LY75: variants seen among roughly 807,000 people sequenced by gnomAD.
LY75 encodes C-type lectin domain family 13 member B.
In LY75, 185 loss-of-function variants were observed where a neutral mutation model predicts 231.7. The ratio of observed to expected loss-of-function variants is 0.80; its 90% CI spans 0.71 to 0.90. The LOEUF is 0.90. LY75 is among the 40% of genes least tolerant of loss of function. LY75 has a pLI of 0.00. For synonymous variants in LY75, 668 were observed against 689.0 expected (o/e 0.97, Z 0.48); for missense variants, 1,947 against 2,050.2 (o/e 0.95, Z 0.97).
chr2:159,882,717 A>G (rs1560099518), intron 6 of LY75, among the ~76,000 whole-genome samples: 1 of 152,206 alleles, frequency 6.6e-6, no homozygotes, highest in East Asian at 1.9e-4. Context: ...TGAGAAGATT[A>G]TAAGAGGGCA....
intron 1 of LY75, among the ~76,000 whole-genome samples, chr2:159,901,985 A>C (rs1032704316): frequency 6.6e-6 from 1 of 152,242 alleles, no homozygotes; most frequent in Non-Finnish European, 1.5e-5. Flanking sequence ...TTATTGGGAT[A>C]GTAGGTTGAA....
At chr2:159,838,171 G>T (rs1024341070) in intron 25 of LY75, among the ~76,000 whole-genome samples, 2 of 152,122 alleles carry the variant, frequency 1.3e-5, no homozygotes, top group African/African-American at 4.8e-5. Flanking sequence ...CTTAAGTAAA[G>T]TCTTATATTG....
intron 4 of LY75, among the ~76,000 whole-genome samples, chr2:159,886,993 G>A (rs1685605581): frequency 1.3e-5 from 2 of 151,826 alleles, no homozygotes; most frequent in Non-Finnish European, 2.9e-5. Flanking sequence ...CAAAGTCCTT[G>A]CCCTCATGAG....
intron 14 of LY75, among the ~76,000 whole-genome samples, chr2:159,863,887 A>G (rs1227275860): frequency 6.6e-6 from 1 of 152,160 alleles, no homozygotes; most frequent in Non-Finnish European, 1.5e-5. Context: ...TTATATCTTT[A>G]CTGTACCTTT....
At chr2:159,901,262 T>C (rs540517123) in intron 1 of LY75, among the ~76,000 whole-genome samples, 289 of 152,336 alleles carry the variant, frequency 1.9e-3, no homozygotes, top group Middle Eastern at 3.4e-3. Context: ...CTTTCTCTCA[T>C]GGCCTTCTCC....
At chr2:159,881,270 T>C in intron 7 of LY75, 30 bp from the exon 8 acceptor site, 2 of 1,598,750 alleles carry the variant, frequency 1.3e-6, no homozygotes, top group Non-Finnish European at 1.7e-6. Context: ...TTTGTTTGGT[T>C]TTGCTCAATT....
At chr2:159,811,707 G>T (rs1251737681) in intron 31 of LY75, among the ~76,000 whole-genome samples, 2 of 152,118 alleles carry the variant, frequency 1.3e-5, no homozygotes, top group African/African-American at 4.8e-5. Context: ...ACTCTTTAGT[G>T]GCCCTTAGTT....
intron 12 of LY75, among the ~76,000 whole-genome samples, chr2:159,874,151 A>G (rs1179066108): frequency 4.0e-5 from 5 of 124,656 alleles, no homozygotes; most frequent in African/African-American, 1.4e-4. Context: ...TATATTTTGT[A>G]AATATATATA....
intron 17 of LY75, among the ~76,000 whole-genome samples, 182 bp downstream of exon 17, chr2:159,854,722 C>T (rs1340478896): frequency 6.6e-6 from 1 of 152,184 alleles, no homozygotes; most frequent in Non-Finnish European, 1.5e-5. Context: ...CCTACACTCA[C>T]AGGGAAGGAA....
chr2:159,859,461 C>T (rs1246748389), intron 15 of LY75, among the ~76,000 whole-genome samples: 2 of 152,112 alleles, frequency 1.3e-5, no homozygotes, highest in Non-Finnish European at 2.9e-5. Context: ...GGCAGTTCCT[C>T]CAAATCCACT....
At chr2:159,884,512 T>C (rs1290288644) in intron 6 of LY75, among the ~76,000 whole-genome samples, 1 of 152,130 alleles carries the variant, frequency 6.6e-6, no homozygotes, top group Non-Finnish European at 1.5e-5. Flanking sequence ...ACACATTTTG[T>C]CCCTCTGCAC....
At chr2:159,891,603 T>C (rs1019675411) in intron 3 of LY75, among the ~76,000 whole-genome samples, 4 of 152,100 alleles carry the variant, frequency 2.6e-5, no homozygotes, top group South Asian at 4.1e-4. Flanking sequence ...AGGAAGCATA[T>C]GCATGCATTA....
chr2:159,881,286 C>T (rs1685428431), intron 7 of LY75, 46 bp from the exon 8 acceptor site: 1 of 1,577,696 alleles, frequency 6.3e-7, no homozygotes, highest in African/African-American at 1.4e-5. Context: ...CAATTAAATA[C>T]TGTAATATGT....
chr2:159,863,371 C>A (rs1036201942), intron 14 of LY75, among the ~76,000 whole-genome samples: 5 of 152,038 alleles, frequency 3.3e-5, no homozygotes, highest in Admixed American at 2.6e-4. Flanking sequence ...TTTTGAGGGA[C>A]CTTCATAGTG....
At chr2:159,850,781 T>TATAC (rs1684365897) in intron 21 of LY75, among the ~76,000 whole-genome samples, 1 of 102,512 alleles carries the variant, frequency 9.8e-6, no homozygotes, top group Non-Finnish European at 2.1e-5. Context: ...TTCATATATA[T>TATAC]ATATATATAT....
At chr2:159,810,900 T>G (rs1366062589) in intron 31 of LY75, among the ~76,000 whole-genome samples, 1 of 152,180 alleles carries the variant, frequency 6.6e-6, no homozygotes, top group African/African-American at 2.4e-5. Context: ...TGCCTTAGCT[T>G]TCTAAGACTG....
chr2:159,853,405 T>G, intron 19 of LY75, 53 bp from the exon 20 acceptor site: 1 of 1,586,884 alleles, frequency 6.3e-7, no homozygotes, highest in Non-Finnish European at 8.6e-7. Flanking sequence ...GTGTTCCATT[T>G]TTTTCTTTTT....
rs1683219008 is a variant in LY75 at position 159,819,411 on chromosome 2, T to C, written c.4153+315A>G. 2.0e-5 allele frequency among the ~76,000 whole-genome samples: 3 copies of C among 152,294 alleles called. 1 individual carries two copies. The South Asian group carries it at 6.2e-4, about 32-fold the overall frequency. ...CCTCTTCTTGAAGCCTTTCCTTTTT[T>C]TTTTGTTATTCCCCTTTCCAATGTA... On this transcript the variant is annotated intron_variant, in intron 29 of 34. Coordinates refer to ENST00000263636, the MANE Select transcript of LY75 (RefSeq NM_002349.4).
rs150442433 is a variant in LY75, at chr2:159,815,645, C to G, written c.4381-72G>C. 1.9e-4 allele frequency: 280 copies of G among 1,512,386 alleles called. 2 individuals are homozygous for G. In the East Asian group the frequency reaches 5.9e-3, roughly 32 times the overall value. The allele number at this position is 1,512,386 out of a possible 1,614,324, so 93.7% of individuals were successfully genotyped here. A position where few individuals can be genotyped will look rare whatever the true frequency, so the allele number is the denominator to read the frequency against. On this transcript the variant is annotated intron_variant, in intron 30 of 34. Coordinates refer to ENST00000263636, the MANE Select transcript of LY75 (RefSeq NM_002349.4). Reference sequence around the variant, plus strand: ...CAAAAAGAATACAAAGAACAACATACATACTTTAAGAAATATTATAATGGA... The same window carrying G: ...CAAAAAGAATACAAAGAACAACATAGATACTTTAAGAAATATTATAATGGA...
Sources: allele counts gnomAD v4.1 joint callset (sites outside exome capture counted in the v4.1 genomes callset), GRCh38; gene constraint gnomAD v4.1.1; transcripts MANE v1.5; gene names NCBI Gene and HGNC (gene_info 2026-07-23, HGNC 2026-07-21).